PABPC4L: variants seen among roughly 807,000 people sequenced by gnomAD.
The protein encoded by PABPC4L is poly(A) binding protein cytoplasmic 4 like.
For missense variants in PABPC4L, 452 were observed against 451.4 expected, an observed-to-expected ratio of 1.00 and a Z score of -0.01; for synonymous variants, 169 against 164.1, an observed-to-expected ratio of 1.03 and a Z score of -0.23.
chr4:133,988,741 C>T, the PABPC4L span, among the ~76,000 whole-genome samples: 133 of 152,288 alleles, frequency 8.7e-4, no homozygotes, highest in African/African-American at 2.9e-3. Context: ...CTTCACTATG[C>T]AGTGTGCCAG....
the PABPC4L span, among the ~76,000 whole-genome samples, chr4:134,153,456 A>C: frequency 6.6e-6 from 1 of 152,088 alleles, no homozygotes; most frequent in Non-Finnish European, 1.5e-5. Context: ...CTAAGTCAAA[A>C]ACAAATCACA....
At chr4:134,014,115 C>G in the PABPC4L span, among the ~76,000 whole-genome samples, 7 of 152,098 alleles carry the variant, frequency 4.6e-5, no homozygotes, top group African/African-American at 1.4e-4. Context: ...AACCCTGAGA[C>G]ACTTTACAGC....
chr4:134,104,934 C>A, the PABPC4L span, among the ~76,000 whole-genome samples: 1 of 151,736 alleles, frequency 6.6e-6, no homozygotes, highest in Non-Finnish European at 1.5e-5. Flanking sequence ...TACCGGTGTG[C>A]TCTCATGTCT....
At position 134,199,210 on chromosome 4, in the gene PABPC4L, T is replaced by C. The variant is rs1472474740; in HGVS notation, c.*697A>G. On this transcript the variant is annotated 3_prime_UTR_variant, in exon 2 of 2. Transcript: ENST00000421491. ...TAAGGTTTTACAGTGCAAGTTACAA[T>C]TTAGATTAACTAGTAAGTACCTGAA... 1.3e-5 allele frequency: 2 copies of C among 152,108 alleles called. No individual in the cohort carries two copies. The highest frequency in any genetic ancestry group is 4.8e-5 in the African/African-American group (2 of 41,444). 9.4% of individuals were successfully genotyped at this position (152,108 alleles called of 1,614,324 possible).
the PABPC4L span, among the ~76,000 whole-genome samples, chr4:134,039,954 C>T: frequency 6.6e-6 from 1 of 151,978 alleles, no homozygotes; most frequent in Non-Finnish European, 1.5e-5. Flanking sequence ...CATGAGTGAG[C>T]TCCCTTTCAC....
At chr4:134,130,287 G>A in the PABPC4L span, among the ~76,000 whole-genome samples, 1 of 151,780 alleles carries the variant, frequency 6.6e-6, no homozygotes, top group African/African-American at 2.4e-5. Flanking sequence ...TCATTCATGA[G>A]ATTAACCAAA....
the PABPC4L span, among the ~76,000 whole-genome samples, chr4:133,997,062 A>G: frequency 2.6e-3 from 396 of 152,302 alleles, 2 homozygotes; most frequent in African/African-American, 8.8e-3. Context: ...CGGCTTTCCA[A>G]GCATCTTTCC....
chr4:134,114,738 A>C, the PABPC4L span, among the ~76,000 whole-genome samples: 1 of 151,898 alleles, frequency 6.6e-6, no homozygotes, highest in Non-Finnish European at 1.5e-5. Flanking sequence ...ATGTGAAGGC[A>C]AACTAGTTAA....
the PABPC4L span, among the ~76,000 whole-genome samples, chr4:133,972,937 A>G: frequency 1.3e-5 from 2 of 152,172 alleles, no homozygotes; most frequent in Admixed American, 6.6e-5. Flanking sequence ...CCTCAAACAC[A>G]GAAGCGAGAT....
At chr4:134,174,297 A>C in the PABPC4L span, among the ~76,000 whole-genome samples, 1 of 152,146 alleles carries the variant, frequency 6.6e-6, no homozygotes, top group African/African-American at 2.4e-5. Context: ...CCTTTAAAAA[A>C]AAATAGTAAG....
the PABPC4L span, among the ~76,000 whole-genome samples, chr4:134,093,046 T>G: frequency 2.0e-4 from 31 of 152,126 alleles, no homozygotes; most frequent in South Asian, 6.2e-4. Flanking sequence ...ATAATTTTTT[T>G]TGTGTTTACT....
At chr4:134,178,106 C>T in the PABPC4L span, among the ~76,000 whole-genome samples, 1 of 152,058 alleles carries the variant, frequency 6.6e-6, no homozygotes, top group Non-Finnish European at 1.5e-5. Flanking sequence ...TGTCTGAGGG[C>T]AGGCACAACC....
the PABPC4L span, among the ~76,000 whole-genome samples, chr4:134,118,797 T>C: frequency 4.0e-5 from 6 of 151,782 alleles, no homozygotes; most frequent in Admixed American, 2.6e-4. Flanking sequence ...CAATTAGTAA[T>C]TGACATTTAC....
At chr4:134,069,038 T>C in the PABPC4L span, among the ~76,000 whole-genome samples, 2 of 152,142 alleles carry the variant, frequency 1.3e-5, no homozygotes, top group Admixed American at 1.3e-4. Context: ...ACAAGTTCCC[T>C]TAGCATTTGC....
the PABPC4L span, among the ~76,000 whole-genome samples, chr4:134,064,288 T>C: frequency 2.0e-5 from 3 of 152,032 alleles, no homozygotes; most frequent in African/African-American, 7.2e-5. Context: ...AAGTAGGATT[T>C]ATGAAATTTG....
chr4:133,959,334 T>TA, the PABPC4L span, among the ~76,000 whole-genome samples: 2 of 152,128 alleles, frequency 1.3e-5, no homozygotes, highest in African/African-American at 4.8e-5. Flanking sequence ...GACAGAACAC[T>TA]ATGAGGTGTC....
At chr4:134,179,754 T>C in the PABPC4L span, among the ~76,000 whole-genome samples, 1 of 151,774 alleles carries the variant, frequency 6.6e-6, no homozygotes, top group Non-Finnish European at 1.5e-5. Context: ...GGTTTAAAGA[T>C]ACTTTAAATC....
At chr4:134,050,591 G>A in the PABPC4L span, among the ~76,000 whole-genome samples, 10 of 151,530 alleles carry the variant, frequency 6.6e-5, no homozygotes, top group Non-Finnish European at 1.3e-4. Flanking sequence ...TGTAAACCCA[G>A]CTACTCGGGA....
At chr4:134,034,926 T>C in the PABPC4L span, among the ~76,000 whole-genome samples, 205 of 152,184 alleles carry the variant, frequency 1.3e-3, no homozygotes, top group African/African-American at 4.8e-3. Flanking sequence ...AAATAACTTC[T>C]ACTATGCATA....
Sources: allele counts gnomAD v4.1 joint callset (sites outside exome capture counted in the v4.1 genomes callset), GRCh38; gene constraint gnomAD v4.1.1; transcripts MANE v1.5; gene names NCBI Gene and HGNC (gene_info 2026-07-23, HGNC 2026-07-21).